The following NALCN variants were observed in gnomAD, a reference collection of about 807,000 sequenced individuals.
NALCN encodes the protein sodium leak channel, non-selective.
Under a neutral mutation model 225.3 loss-of-function variants are expected in NALCN, and 111 were observed. That is an observed-to-expected ratio of 0.49 (90% CI 0.42 to 0.58). The LOEUF (loss-of-function observed/expected upper bound fraction) is 0.58. NALCN is among the 20% of genes least tolerant of loss of function. The probability of loss-of-function intolerance (pLI) is 0.00; values close to 1 mark genes in which losing one functional copy is unlikely to be tolerated. For synonymous variants in NALCN, 764 were observed against 769.0 expected (o/e 0.99, Z 0.11); for missense variants, 1,378 against 2,202.4 (o/e 0.63, Z 7.49).
intron 3 of NALCN, among the ~76,000 whole-genome samples, chr13:101,385,763 A>G (rs930472684): frequency 2.0e-5 from 3 of 152,144 alleles, no homozygotes; most frequent in Non-Finnish European, 2.9e-5. Flanking sequence ...AAAAGATCCA[A>G]AAATTGAGTT....
chr13:101,376,594 C>A, intron 6 of NALCN, 106 bp downstream of exon 6: 1 of 1,143,180 alleles, frequency 8.7e-7, no homozygotes. Context: ...ACAAAGAGGA[C>A]ATAAGCACTG....
At chr13:101,226,312 C>T (rs576980512) in intron 13 of NALCN, among the ~76,000 whole-genome samples, 7 of 152,212 alleles carry the variant, frequency 4.6e-5, no homozygotes, top group East Asian at 3.9e-4. Flanking sequence ...AGAAACATTC[C>T]GAACCTGCGA....
rs200360287 is a variant in NALCN at position 101,107,429 on chromosome 13, C to T, written c.2579+58G>A. ...ACGTTCCTTCTTCTTCATATGACAA[C>T]ACCCCTGCTGTTTGCATGGCTCAGG... On this transcript the variant is annotated intron_variant, in intron 22 of 43. Transcript: ENST00000251127. The T allele has an allele frequency of 1.9e-3, 3,076 of 1,609,626 alleles. 9 individuals carry two copies. Among genetic ancestry groups the T allele is most frequent in the Non-Finnish European group, 2.1e-3 (2,490 of 1,177,514 alleles).
rs756540225 is a variant in NALCN at position 101,089,640 on chromosome 13, G to A, written c.3489+23C>T. On this transcript the variant is annotated intron_variant, in intron 30 of 43. Transcript: ENST00000251127. This position sits in a 1 kb window ranked among gnomAD's most constrained non-coding sequence, Gnocchi z 4.7. Reference sequence around the variant, plus strand: ...TGGCTAGAAAAGGCTAAACCCTGTGGTATCCAAACCAAAAATCCTTACCTT... The same window carrying A: ...TGGCTAGAAAAGGCTAAACCCTGTGATATCCAAACCAAAAATCCTTACCTT... 6.8e-6 allele frequency: 11 copies of A among 1,605,926 alleles called. No individual in the cohort carries two copies. Among genetic ancestry groups the A allele is most frequent in the Middle Eastern group, 2.0e-4 (1 of 4,990 alleles).
intron 13 of NALCN, 137 bp downstream of exon 13, chr13:101,229,256 A>T (rs1331437258): frequency 7.2e-6 from 6 of 830,466 alleles, no homozygotes; most frequent in Non-Finnish European, 1.1e-5. Flanking sequence ...AATTTTAAAT[A>T]TTAAAATCTA....
At chr13:101,358,507 A>G (rs2046129670) in intron 6 of NALCN, among the ~76,000 whole-genome samples, 1 of 152,230 alleles carries the variant, frequency 6.6e-6, no homozygotes, top group Non-Finnish European at 1.5e-5. Flanking sequence ...ACCATTTCAC[A>G]CCAGTCAGAA....
Position 101,416,453 on chromosome 13 carries a change from A to C in NALCN, c.-180T>G, listed in dbSNP as rs1206732811. 5 of 151,500 alleles carry C rather than the reference A, an allele frequency of 3.3e-5. No homozygotes were observed. Among genetic ancestry groups the C allele is most frequent in the Admixed American group, 2.6e-4 (4 of 15,196 alleles). The allele number at this position is 151,500 out of a possible 1,614,324, so 9.4% of individuals were successfully genotyped here. ...CCCCTCACCTACGGCGGCTCAGCTCAGGCAGCGCGCTCGGCCCGGCTGGGG... is the reference window on the plus strand; with the variant it reads ...CCCCTCACCTACGGCGGCTCAGCTCCGGCAGCGCGCTCGGCCCGGCTGGGG... On this transcript the variant is annotated 5_prime_UTR_variant, in exon 1 of 44. Coordinates refer to ENST00000251127, the MANE Select transcript of NALCN (RefSeq NM_052867.4).
At chr13:101,055,770 A>T (rs1278569681) in intron 43 of NALCN, among the ~76,000 whole-genome samples, 1 of 152,180 alleles carries the variant, frequency 6.6e-6, no homozygotes, top group Non-Finnish European at 1.5e-5. Context: ...CACTAAAAAA[A>T]TTCCAATTCG....
At chr13:101,173,018 T>C (rs534484201) in intron 15 of NALCN, among the ~76,000 whole-genome samples, 29 of 152,358 alleles carry the variant, frequency 1.9e-4, no homozygotes, top group African/African-American at 6.7e-4. Context: ...AAGCCTGTTA[T>C]GTAGGCGTCT....
chr13:101,176,797 G>C (rs1192055832), intron 14 of NALCN, among the ~76,000 whole-genome samples: 2 of 152,184 alleles, frequency 1.3e-5, no homozygotes, highest in African/African-American at 4.8e-5. Context: ...TACAGTTATA[G>C]AGATTTATGT....
chr13:101,182,570 A>T (rs1014018961), intron 14 of NALCN, among the ~76,000 whole-genome samples: 1 of 152,356 alleles, frequency 6.6e-6, no homozygotes, highest in Admixed American at 6.5e-5. Context: ...ACAAACTTAC[A>T]AAACAGAAAC....
chr13:101,100,777 A>G lies in NALCN; in HGVS notation c.3162+7T>C. The G allele has an allele frequency of 6.2e-7, 1 of 1,602,802 alleles. No individual in the cohort carries two copies. Among genetic ancestry groups the G allele is most frequent in the South Asian group, 1.1e-5 (1 of 89,052 alleles). On this transcript the variant is annotated splice_region_variant and intron_variant, in intron 27 of 43. Transcript: ENST00000251127. ...TTTATTTCAAAAGACAGAAAGATAC[A>G]TCTTACCCTTCTAATAATGTTGGGA...
chr13:101,411,788 A>G (rs145645716), intron 1 of NALCN, among the ~76,000 whole-genome samples: 1 of 152,216 alleles, frequency 6.6e-6, no homozygotes, highest in Non-Finnish European at 1.5e-5. Context: ...AATTTTTTGA[A>G]CTGTTTTCTG....
At chr13:101,373,027 T>C in intron 6 of NALCN, 1 of 382,958 alleles carries the variant, frequency 2.6e-6, no homozygotes, top group Non-Finnish European at 5.1e-6. Context: ...AATCAGACAT[T>C]CAAAAGATAA....
At chr13:101,058,604 T>C (rs1057098150) in intron 42 of NALCN, 4 of 152,490 alleles carry the variant, frequency 2.6e-5, no homozygotes, top group African/African-American at 9.7e-5. Context: ...CAGGTTCACC[T>C]GTCACCTCTC....
At chr13:101,376,208 C>T (rs1002390619) in intron 6 of NALCN, among the ~76,000 whole-genome samples, 6 of 152,048 alleles carry the variant, frequency 3.9e-5, no homozygotes, top group Non-Finnish European at 8.8e-5. Context: ...CACAGTGAAG[C>T]TCTAGGTTTA....
intron 13 of NALCN, among the ~76,000 whole-genome samples, chr13:101,203,886 CT>C (rs1163336858): frequency 6.6e-6 from 1 of 152,124 alleles, no homozygotes; most frequent in East Asian, 1.9e-4. Flanking sequence ...TATGAATTGC[CT>C]TTTGGTGCTG....
In NALCN at chr13:101,083,055, A is replaced by G. The variant is rs745463007; in HGVS notation, c.3690+37T>C. Reference sequence around the variant, plus strand: ...ACTCTCGGATGTAGCAGTGAATACAAAATTCATTCCCGGAGTCTTAGGGTG... The same window carrying G: ...ACTCTCGGATGTAGCAGTGAATACAGAATTCATTCCCGGAGTCTTAGGGTG... On this transcript the variant is annotated intron_variant, in intron 32 of 43. Transcript: ENST00000251127. 5.0e-6 allele frequency: 8 copies of G among 1,599,852 alleles called. No homozygotes were observed. In the East Asian group the frequency reaches 1.6e-4, roughly 31 times the overall value.
chr13:101,273,030 C>A (rs1022044630), intron 10 of NALCN, among the ~76,000 whole-genome samples: 1 of 152,192 alleles, frequency 6.6e-6, no homozygotes, highest in Non-Finnish European at 1.5e-5. Flanking sequence ...ACAGGAGGCA[C>A]GCGGTGGAAT....
Sources: allele counts gnomAD v4.1 joint callset (sites outside exome capture counted in the v4.1 genomes callset), GRCh38; gene constraint gnomAD v4.1.1; non-coding constraint Gnocchi (gnomAD v3.1); transcripts MANE v1.5; gene names NCBI Gene and HGNC (gene_info 2026-07-23, HGNC 2026-07-21).